VPS13B: variants seen among roughly 807,000 people sequenced by gnomAD.
The protein encoded by VPS13B is vacuolar protein sorting 13 homolog B.
In VPS13B, 285 loss-of-function variants were observed where a neutral mutation model predicts 426.4. The ratio of observed to expected loss-of-function variants is 0.67; its 90% CI spans 0.61 to 0.74. The LOEUF is 0.74. VPS13B is among the 30% of genes least tolerant of loss of function. The pLI is 0.00. For synonymous variants in VPS13B, 1,676 were observed against 1,676.4 expected (o/e 1.00, Z 0.01); for missense variants, 4,537 against 4,782.6 (o/e 0.95, Z 1.51).
intron 21 of VPS13B, among the ~76,000 whole-genome samples, chr8:99,429,096 C>T (rs13251956): frequency 4.2e-3 from 637 of 152,076 alleles, no homozygotes; most frequent in Middle Eastern, 6.8e-3. Context: ...CACATGGACA[C>T]AGGAAGGGGA....
chr8:99,844,754 G>A (rs34285123), intron 54 of VPS13B, among the ~76,000 whole-genome samples: 2,275 of 152,272 alleles, frequency 0.015, 27 homozygotes, highest in Middle Eastern at 0.041. Context: ...GAATTTCAGC[G>A]TATGAATTTT....
intron 15 of VPS13B, among the ~76,000 whole-genome samples, chr8:99,161,505 T>C (rs73281695): frequency 0.017 from 2,541 of 152,326 alleles, 65 homozygotes; most frequent in African/African-American, 0.058. Flanking sequence ...AAAACTCACA[T>C]TTCCAGTGTA....
At chr8:99,052,664 A>AC (rs1235869606) in intron 3 of VPS13B, among the ~76,000 whole-genome samples, 2 of 150,542 alleles carry the variant, frequency 1.3e-5, no homozygotes, top group Non-Finnish European at 3.0e-5. Flanking sequence ...CTGGTCCTGG[A>AC]CTTTTTTTGG....
intron 33 of VPS13B, among the ~76,000 whole-genome samples, chr8:99,615,791 C>A (rs1378543940): frequency 6.6e-6 from 1 of 152,008 alleles, no homozygotes; most frequent in Non-Finnish European, 1.5e-5. Flanking sequence ...ATGTTAAAGC[C>A]CCTTTCAGTT....
intron 51 of VPS13B, among the ~76,000 whole-genome samples, chr8:99,826,489 TA>T (rs1424281028): frequency 6.6e-6 from 1 of 152,242 alleles, no homozygotes; most frequent in Non-Finnish European, 1.5e-5. Context: ...TGGGGTTTTC[TA>T]AATATATAAT....
intron 31 of VPS13B, among the ~76,000 whole-genome samples, chr8:99,558,996 C>CA (rs1287355052): frequency 6.6e-6 from 1 of 152,206 alleles, no homozygotes; most frequent in Non-Finnish European, 1.5e-5. Flanking sequence ...CTGTCTTCCA[C>CA]AATGGTTGAA....
At chr8:99,056,717 G>A (rs1843893908) in intron 3 of VPS13B, among the ~76,000 whole-genome samples, 1 of 152,154 alleles carries the variant, frequency 6.6e-6, no homozygotes, top group African/African-American at 2.4e-5. Context: ...GGAGGTGGCA[G>A]GGGGTGAAAT....
chr8:99,737,362 C>T (rs867306024), intron 39 of VPS13B, among the ~76,000 whole-genome samples: 49 of 151,704 alleles, frequency 3.2e-4, no homozygotes, highest in African/African-American at 9.7e-4. Context: ...CCTCGGGATC[C>T]GCCTGCCTCG....
rs191252763 is a variant in VPS13B at position 99,712,905 on chromosome 8, G to A, written c.6455-4266G>A. Among the ~76,000 whole-genome samples, 14 of 151,946 alleles carry A rather than the reference G, an allele frequency of 9.2e-5. No individual in the cohort carries two copies. In the East Asian group the frequency reaches 1.7e-3, roughly 19 times the overall value. On this transcript the variant is annotated intron_variant, in intron 36 of 61. Transcript: ENST00000357162. ...CAATAAGAACTTGTAATTGTATAAC[G>A]TTGGGGGGGTTAAGAAGAGCCTTCC... is the stretch of plus-strand genomic sequence containing the variant.
intron 29 of VPS13B, among the ~76,000 whole-genome samples, chr8:99,519,957 AT>A (rs1281349870): frequency 2.6e-5 from 4 of 152,334 alleles, no homozygotes; most frequent in African/African-American, 9.6e-5. Flanking sequence ...TAATAAAAAA[AT>A]GTAAATGTAA....
chr8:99,641,687 C>T, intron 33 of VPS13B, 124 bp from the exon 34 acceptor site: 1 of 900,070 alleles, frequency 1.1e-6, no homozygotes, highest in Non-Finnish European at 1.6e-6. Context: ...TTTCTGATTA[C>T]TGTTTTAAGT....
chr8:99,700,659 T>G (rs1832230861), intron 36 of VPS13B, among the ~76,000 whole-genome samples: 1 of 152,224 alleles, frequency 6.6e-6, no homozygotes, highest in Non-Finnish European at 1.5e-5. Flanking sequence ...AGAAATCAAC[T>G]GGCAGTGACA....
intron 12 of VPS13B, 30 bp downstream of exon 12, chr8:99,136,782 T>G (rs747820860): frequency 1.2e-6 from 2 of 1,604,804 alleles, no homozygotes; most frequent in Admixed American, 3.3e-5. Context: ...ATGTGTGCCA[T>G]TTCTTGAACA....
chr8:99,032,166 C>G (rs1228084063), intron 2 of VPS13B, among the ~76,000 whole-genome samples: 1 of 152,200 alleles, frequency 6.6e-6, no homozygotes, highest in African/African-American at 2.4e-5. Flanking sequence ...TCTCCTTTCC[C>G]CTTTATGCTG....
At chr8:99,161,692 G>A (rs951551949) in intron 15 of VPS13B, among the ~76,000 whole-genome samples, 13 of 151,170 alleles carry the variant, frequency 8.6e-5, no homozygotes, top group African/African-American at 2.7e-4. Context: ...GCATTAATAT[G>A]CGTGGGAAAA....
intron 12 of VPS13B, among the ~76,000 whole-genome samples, chr8:99,139,969 G>A (rs981421863): frequency 5.9e-5 from 9 of 151,800 alleles, no homozygotes; most frequent in East Asian, 1.9e-4. Context: ...ATCTAAACAC[G>A]TATTGAGCCA....
At chr8:99,594,561 A>G (rs1160139991) in intron 33 of VPS13B, among the ~76,000 whole-genome samples, 1 of 152,024 alleles carries the variant, frequency 6.6e-6, no homozygotes, top group Non-Finnish European at 1.5e-5. Context: ...TATAGAGCAT[A>G]TATGACTATT....
At chr8:99,560,304 T>G (rs183890468) in intron 31 of VPS13B, among the ~76,000 whole-genome samples, 83 of 152,300 alleles carry the variant, frequency 5.4e-4, no homozygotes, top group Non-Finnish European at 9.3e-4. Flanking sequence ...AAGGAGATTT[T>G]GGGCTGAGAC....
intron 19 of VPS13B, among the ~76,000 whole-genome samples, chr8:99,314,433 C>T (rs1454132593): frequency 6.6e-6 from 1 of 152,010 alleles, no homozygotes. Context: ...TTTGTAAGGT[C>T]CATTTAGTCT....
Sources: gnomAD v4.1 joint callset for allele counts (sites outside exome capture counted in the v4.1 genomes callset) on GRCh38, gnomAD v4.1.1 for gene constraint, MANE v1.5 for transcripts, NCBI Gene and HGNC (gene_info 2026-07-23, HGNC 2026-07-21) for gene names.